The following PTPRT variants were observed in gnomAD, a reference collection of about 807,000 sequenced individuals.
PTPRT encodes the protein protein tyrosine phosphatase receptor type T.
In PTPRT, 56 loss-of-function variants were observed where a neutral mutation model predicts 176.8. The ratio of observed to expected loss-of-function variants is 0.32; its 90% CI spans 0.26 to 0.40. The LOEUF (loss-of-function observed/expected upper bound fraction) is 0.40. PTPRT is among the 10% of genes least tolerant of loss of function. PTPRT has a pLI of 1.00. For synonymous variants in PTPRT, 783 were observed against 739.0 expected (o/e 1.06, Z -0.96); for missense variants, 1,540 against 1,908.2 (o/e 0.81, Z 3.60).
At chr20:42,260,472 G>T (rs976992001) in intron 13 of PTPRT, among the ~76,000 whole-genome samples, 6 of 152,232 alleles carry the variant, frequency 3.9e-5, no homozygotes, top group Admixed American at 6.5e-5. Flanking sequence ...GTAAGAAGAA[G>T]AACATAAACT....
At chr20:42,828,303 T>C (rs529882392) in intron 2 of PTPRT, among the ~76,000 whole-genome samples, 1 of 152,232 alleles carries the variant, frequency 6.6e-6, no homozygotes, top group South Asian at 2.1e-4. Context: ...ACTTTGAAAC[T>C]GAGAGAGATA....
chr20:42,936,321 G>C (rs1278526432), intron 1 of PTPRT, among the ~76,000 whole-genome samples: 1 of 152,162 alleles, frequency 6.6e-6, no homozygotes, highest in Non-Finnish European at 1.5e-5. Flanking sequence ...TGGTTGTCTG[G>C]GGGAAGAGCA....
intron 7 of PTPRT, among the ~76,000 whole-genome samples, chr20:42,610,378 TG>T (rs2073953981): frequency 7.3e-6 from 1 of 136,614 alleles, no homozygotes; most frequent in Non-Finnish European, 1.5e-5. Flanking sequence ...TTACTTGTTT[TG>T]TTTTTTTTTT....
intron 9 of PTPRT, among the ~76,000 whole-genome samples, chr20:42,438,708 C>A (rs138380679): frequency 2.3e-4 from 35 of 152,280 alleles, no homozygotes; most frequent in Middle Eastern, 6.8e-3. Context: ...CATGCAGCAA[C>A]CTTTATTGTT....
At chr20:42,325,389 T>A (rs1369551944) in intron 11 of PTPRT, among the ~76,000 whole-genome samples, 2 of 152,196 alleles carry the variant, frequency 1.3e-5, no homozygotes, top group African/African-American at 4.8e-5. Context: ...GTGAATTTTG[T>A]GTAGAAATTT....
In PTPRT at chr20:42,652,900, C is replaced by T. The variant is rs575931984; in HGVS notation, c.1153+24966G>A. Among the ~76,000 whole-genome samples the T allele has an allele frequency of 3.3e-5, 5 of 152,288 alleles. No individual in the cohort carries two copies. In the East Asian group the frequency reaches 9.7e-4, roughly 29 times the overall value. On this transcript the variant is annotated intron_variant, in intron 7 of 30. Transcript: ENST00000373187. ...GCAAATTTCCCAGCATTCTCTTTCT[C>T]CATCATAACTTTCCAGGACTGACCA...
intron 6 of PTPRT, among the ~76,000 whole-genome samples, chr20:42,681,945 T>C (rs1233759994): frequency 6.6e-6 from 1 of 152,192 alleles, no homozygotes; most frequent in Non-Finnish European, 1.5e-5. Flanking sequence ...GAATGCATGA[T>C]GACCCCACTT....
At chr20:42,563,151 T>G (rs1050147728) in intron 7 of PTPRT, among the ~76,000 whole-genome samples, 35 of 152,096 alleles carry the variant, frequency 2.3e-4, no homozygotes, top group African/African-American at 8.2e-4. Context: ...ACTACTAATG[T>G]GTCGAAAAAC....
At chr20:42,635,276 T>C (rs2074570481) in intron 7 of PTPRT, among the ~76,000 whole-genome samples, 2 of 152,080 alleles carry the variant, frequency 1.3e-5, no homozygotes, top group Non-Finnish European at 1.5e-5. Flanking sequence ...ATAATAACTA[T>C]GTAAATAAAA....
chr20:42,435,930 TA>T (rs1204212956), intron 9 of PTPRT, among the ~76,000 whole-genome samples: 1 of 152,148 alleles, frequency 6.6e-6, no homozygotes, highest in African/African-American at 2.4e-5. Flanking sequence ...GCCAGTGGAA[TA>T]GAGAGCTCAG....
chr20:42,076,932 G>T lies in PTPRT; in HGVS notation c.*3947C>A. On this transcript the variant is annotated 3_prime_UTR_variant, in exon 31 of 31. Transcript: ENST00000373187. ...CTCTTCTGTTATGGGTAACCTCCTG[G>T]GAAAAATGTGAGATACAATGGTGGA... 5.1e-6 allele frequency: 1 copy of T among 196,282 alleles called. No individual in the cohort carries two copies. The highest frequency in any genetic ancestry group is 1.1e-5 in the Non-Finnish European group (1 of 94,544). 12.2% of individuals were successfully genotyped at this position (196,282 alleles called of 1,614,324 possible).
At chr20:43,070,962 T>A (rs2011172420) in intron 1 of PTPRT, among the ~76,000 whole-genome samples, 3 of 116,304 alleles carry the variant, frequency 2.6e-5, no homozygotes, top group East Asian at 2.8e-4. Flanking sequence ...GAACTTAAAG[T>A]ATAATTAAAA....
At chr20:42,062,428 C>G in the PTPRT span, among the ~76,000 whole-genome samples, 1 of 152,196 alleles carries the variant, frequency 6.6e-6, no homozygotes, top group African/African-American at 2.4e-5. Context: ...ATTCTCTGCT[C>G]TAGGTCTGTC....
At chr20:42,756,412 A>T (rs2076833089) in intron 6 of PTPRT, 50 bp downstream of exon 6, 1 of 1,459,774 alleles carries the variant, frequency 6.9e-7, no homozygotes, top group East Asian at 2.5e-5. Flanking sequence ...TTTAAGGCCC[A>T]TTAATGCCAA....
At chr20:42,376,464 A>G (rs2058649727) in intron 9 of PTPRT, among the ~76,000 whole-genome samples, 1 of 152,138 alleles carries the variant, frequency 6.6e-6, no homozygotes. Context: ...CATTCCTGTG[A>G]CCAGACAGTC....
intron 6 of PTPRT, among the ~76,000 whole-genome samples, chr20:42,732,915 A>G (rs2076483814): frequency 6.6e-6 from 1 of 152,236 alleles, no homozygotes; most frequent in South Asian, 2.1e-4. Flanking sequence ...CTCCTGGCCT[A>G]CATCTTCCTT....
At chr20:42,515,953 A>G (rs1323484649) in intron 7 of PTPRT, among the ~76,000 whole-genome samples, 1 of 150,050 alleles carries the variant, frequency 6.7e-6, no homozygotes, top group African/African-American at 2.5e-5. Flanking sequence ...TGTCCTTTGT[A>G]GGGACATGGA....
At chr20:42,871,043 C>T (rs571159222) in intron 2 of PTPRT, among the ~76,000 whole-genome samples, 2 of 151,832 alleles carry the variant, frequency 1.3e-5, no homozygotes, top group Admixed American at 6.6e-5. Context: ...CTCCACCTCC[C>T]GGGTTCAAGT....
chr20:42,067,194 T>C, the PTPRT span, among the ~76,000 whole-genome samples: 1 of 152,224 alleles, frequency 6.6e-6, no homozygotes, highest in Non-Finnish European at 1.5e-5. Flanking sequence ...GTTATTTTTC[T>C]TTAGCAGGCC....
Sources: gnomAD v4.1 joint callset for allele counts (sites outside exome capture counted in the v4.1 genomes callset) on GRCh38, gnomAD v4.1.1 for gene constraint, MANE v1.5 for transcripts, NCBI Gene and HGNC (gene_info 2026-07-23, HGNC 2026-07-21) for gene names.